Variants in UHRF1 observed in about 807,000 individuals in gnomAD.
The protein encoded by UHRF1 is E3 ubiquitin-protein ligase UHRF1.
In UHRF1, 9 loss-of-function variants were observed where a neutral mutation model predicts 96.5. That is an observed-to-expected ratio of 0.09 (90% CI 0.06 to 0.16). The LOEUF is 0.16. UHRF1 is among the 10% of genes least tolerant of loss of function. The pLI is 1.00. For missense variants in UHRF1, 626 were observed against 1,131.1 expected (o/e 0.55, Z 6.40); for synonymous variants, 455 against 469.9 (o/e 0.97, Z 0.41).
In UHRF1 at chr19:4,926,931, C is replaced by G. The variant is rs111656140; in HGVS notation, c.154-2291C>G. ...TACAAAAATTAGCCGGGCTTGGTGG[C>G]GGGTGCCTGTAATCCCCGCTACTTG... On this transcript the variant is annotated intron_variant, in intron 2 of 16. Coordinates refer to ENST00000650932, the MANE Select transcript of UHRF1 (RefSeq NM_001048201.3). Among the ~76,000 whole-genome samples, 1,088 of 152,138 alleles carry G rather than the reference C, an allele frequency of 7.2e-3. 12 individuals carry two copies. The highest frequency in any genetic ancestry group is 0.025 in the African/African-American group (1,041 of 41,500).
chr19:4,950,467 C>G, intron 11 of UHRF1, 144 bp from the exon 12 acceptor site: 1 of 839,888 alleles, frequency 1.2e-6, no homozygotes, highest in Non-Finnish European at 1.8e-6. Flanking sequence ...TGGTCTCGAA[C>G]TCCTGACTTC....
chr19:4,917,111 G>GTTTTTT (rs59815341), intron 2 of UHRF1, among the ~76,000 whole-genome samples: 10 of 77,184 alleles, frequency 1.3e-4, no homozygotes, highest in Non-Finnish European at 2.3e-4. Context: ...TTAAGTTTTC[G>GTTTTTT]TTTTTTTTTT....
intron 2 of UHRF1, among the ~76,000 whole-genome samples, chr19:4,915,048 C>T (rs2032439594): frequency 6.6e-6 from 1 of 152,258 alleles, no homozygotes; most frequent in African/African-American, 2.4e-5. Flanking sequence ...CCAGAGCATC[C>T]TGCCCTACCA....
In UHRF1 at chr19:4,929,592, G is replaced by A. The variant is rs1185475015; in HGVS notation, c.408+116G>A. On this transcript the variant is annotated intron_variant, in intron 3 of 16. Transcript: ENST00000650932. Reference sequence around the variant, plus strand: ...CACGCGCCTCTCTAGCTCTGGCTGGGCAGAAATGGCCAAGGGGTGGTTTCC... The same window carrying A: ...CACGCGCCTCTCTAGCTCTGGCTGGACAGAAATGGCCAAGGGGTGGTTTCC... 2.5e-5 allele frequency: 36 copies of A among 1,415,218 alleles called. 1 individual carries two copies. In the East Asian group the frequency reaches 7.7e-4, roughly 30 times the overall value. The allele number at this position is 1,415,218 out of a possible 1,614,324, so 87.7% of individuals were successfully genotyped here.
chr19:4,956,696 C>A lies in UHRF1; in HGVS notation c.2131-13C>A. On this transcript the variant is annotated splice_polypyrimidine_tract_variant and intron_variant, in intron 15 of 16. Coordinates refer to ENST00000650932, the MANE Select transcript of UHRF1 (RefSeq NM_001048201.3). ...CCGGTGTCTTTGCCGGCCTCACACC[C>A]GCTTCCCTCTAGTTCCAGTTGTTCC... is the stretch of plus-strand genomic sequence containing the variant. 1 of 1,589,728 alleles carries A rather than the reference C, an allele frequency of 6.3e-7. No individual in the cohort carries two copies. Among genetic ancestry groups the A allele is most frequent in the East Asian group, 2.3e-5 (1 of 44,398 alleles).
chr19:4,946,028 A>G lies in UHRF1; in HGVS notation c.1410+63A>G, dbSNP rs1419834156. On this transcript the variant is annotated intron_variant, in intron 10 of 16. Coordinates refer to ENST00000650932, the MANE Select transcript of UHRF1 (RefSeq NM_001048201.3). ...CTAGTTTTTTGGATGGTGGTAAAAT[A>G]CATAGAACAAAATTTCCCATCCTAG... 7.7e-6 allele frequency: 10 copies of G among 1,306,496 alleles called. No homozygotes were observed. In the African/African-American group the frequency reaches 1.3e-4, roughly 18 times the overall value. 80.9% of individuals were successfully genotyped at this position (1,306,496 alleles called of 1,614,324 possible). A position where few individuals can be genotyped will look rare whatever the true frequency, so the allele number is the denominator to read the frequency against.
chr19:4,950,945 T>C lies in UHRF1; in HGVS notation c.1767T>C (p.Pro589=), dbSNP rs770678964. 6.9e-5 allele frequency: 111 copies of C among 1,612,354 alleles called. 1 individual carries two copies. The highest frequency in any genetic ancestry group is 2.6e-4 in the South Asian group (24 of 90,994). The change falls in exon 13 of 17, where the codon CCT becomes CCC. Residue 589 remains proline, a synonymous_variant. Coordinates refer to ENST00000650932, the MANE Select transcript of UHRF1 (RefSeq NM_001048201.3). ...GGAGGGACGATGATGAGCCTGGCCC[T>C]TGGACGAAGGAGGGGAAGGACCGGA... The part of the protein sequence containing the change: ...LLRRDDDEPG[P]WTKEGKDRIK...
chr19:4,913,508 G>A (rs1346602074), intron 2 of UHRF1, among the ~76,000 whole-genome samples: 3 of 151,922 alleles, frequency 2.0e-5, no homozygotes, highest in Non-Finnish European at 4.4e-5. Flanking sequence ...ACCTACCTCC[G>A]TCTCCCAAAG....
chr19:4,911,152 C>G, intron 2 of UHRF1, 114 bp downstream of exon 2: 1 of 1,019,552 alleles, frequency 9.8e-7, no homozygotes, highest in Non-Finnish European at 1.4e-6. Context: ...TCGTCCGGTC[C>G]CACTTCATCT....
At chr19:4,924,226 G>T (rs12460215) in intron 2 of UHRF1, among the ~76,000 whole-genome samples, 39,789 of 151,644 alleles carry the variant, frequency 0.26, 5,412 homozygotes, top group Middle Eastern at 0.38. Flanking sequence ...CTCGGCTCAC[G>T]GCAAGCTCCG....
Position 4,930,203 on chromosome 19 carries a change from G to T in UHRF1, c.409-513G>T, listed in dbSNP as rs1383800730. On this transcript the variant is annotated intron_variant, in intron 3 of 16. Transcript: ENST00000650932. This position sits in a 1 kb window ranked among gnomAD's most constrained non-coding sequence, Gnocchi z 4.4. Reference sequence around the variant, plus strand: ...TTGGCCAGGCTAGTCTTGAACTCCTGGCCTCAAGTGATCTTCCCGCCGCAG... The same window carrying T: ...TTGGCCAGGCTAGTCTTGAACTCCTTGCCTCAAGTGATCTTCCCGCCGCAG... Among the ~76,000 whole-genome samples the T allele has an allele frequency of 6.6e-6, 1 of 152,178 alleles. No homozygotes were observed. Among genetic ancestry groups the T allele is most frequent in the Non-Finnish European group, 1.5e-5 (1 of 68,042 alleles).
chr19:4,922,885 C>G (rs948963727), intron 2 of UHRF1, among the ~76,000 whole-genome samples: 27 of 152,236 alleles, frequency 1.8e-4, no homozygotes, highest in African/African-American at 6.5e-4. Context: ...CCACGCTAAG[C>G]AGGGTGCTTC....
Position 4,953,056 on chromosome 19 carries a change from G to T in UHRF1, c.1819-1294G>T, listed in dbSNP as rs1050385635. Among the ~76,000 whole-genome samples the T allele has an allele frequency of 9.9e-5, 15 of 152,162 alleles. 1 individual carries two copies. Among genetic ancestry groups the T allele is most frequent in the Admixed American group, 9.8e-4 (15 of 15,278 alleles). On this transcript the variant is annotated intron_variant, in intron 13 of 16. Transcript: ENST00000650932. ...GTAAAGACAACGAGATCTTATTGGT[G>T]GGATGTGATGCTGAACACGTCACCC...
At chr19:4,957,709 C>T (rs760487276) in intron 16 of UHRF1, among the ~76,000 whole-genome samples, 2 of 152,142 alleles carry the variant, frequency 1.3e-5, no homozygotes, top group Admixed American at 6.5e-5. Context: ...GGGGTGGGGC[C>T]GTCCTGGGCA....
Position 4,909,632 on chromosome 19 carries a change from A to G in UHRF1, c.-34A>G. 1.7e-6 allele frequency: 1 copy of G among 592,522 alleles called. No homozygotes were observed. The allele number at this position is 592,522 out of a possible 1,614,324, so 36.7% of individuals were successfully genotyped here. A position where few individuals can be genotyped will look rare whatever the true frequency, so the allele number is the denominator to read the frequency against. The stretch of plus-strand genomic sequence containing the variant: ...AGCCGGGCCACGCGCGCAGGCAGAC[A>G]AGCTGTTCGCGGCGACCGGAGAGGT... On this transcript the variant is annotated 5_prime_UTR_variant, in exon 1 of 17. Transcript: ENST00000650932.
At chr19:4,927,401 AAAT>A (rs1186429814) in intron 2 of UHRF1, among the ~76,000 whole-genome samples, 5 of 151,014 alleles carry the variant, frequency 3.3e-5, no homozygotes, top group Non-Finnish European at 5.9e-5. Context: ...AAAAAAAAAA[AAAT>A]TTTTTTCTGG....
At chr19:4,927,013 A>G (rs2032893528) in intron 2 of UHRF1, among the ~76,000 whole-genome samples, 1 of 152,130 alleles carries the variant, frequency 6.6e-6, no homozygotes, top group Non-Finnish European at 1.5e-5. Context: ...GTGAGCCAAG[A>G]TCGTGCCACT....
intron 2 of UHRF1, among the ~76,000 whole-genome samples, chr19:4,928,490 G>A (rs1156514021): frequency 1.3e-5 from 2 of 152,182 alleles, no homozygotes; most frequent in African/African-American, 2.4e-5. Context: ...CAGGTGACCC[G>A]AGGGGCAGGC....
In UHRF1 at chr19:4,924,827, T is replaced by G. The variant is rs113617468; in HGVS notation, c.154-4395T>G. The stretch of plus-strand genomic sequence containing the variant: ...ACCAAGGCTTGCCCTTGGTGTTAAG[T>G]TTTTTTTTTTTTTTTTTTGAGACAG... On this transcript the variant is annotated intron_variant, in intron 2 of 16. Coordinates refer to ENST00000650932, the MANE Select transcript of UHRF1 (RefSeq NM_001048201.3). Among the ~76,000 whole-genome samples the G allele has an allele frequency of 3.8e-3, 437 of 116,394 alleles. 3 individuals are homozygous for G. Among genetic ancestry groups the G allele is most frequent in the African/African-American group, 0.018 (412 of 22,478 alleles). 76.4% of individuals were successfully genotyped at this position (116,394 alleles called of 152,430 possible).
Sources: allele counts gnomAD v4.1 joint callset (sites outside exome capture counted in the v4.1 genomes callset), GRCh38; gene constraint gnomAD v4.1.1; non-coding constraint Gnocchi (gnomAD v3.1); transcripts MANE v1.5; gene names NCBI Gene and HGNC (gene_info 2026-07-23, HGNC 2026-07-21).